Variants in PKHD1 observed in about 807,000 individuals in gnomAD.
The protein encoded by PKHD1 is PKHD1 ciliary IPT domain containing fibrocystin/polyductin, also known as fibrocystin.
In PKHD1, 291 loss-of-function variants were observed where a neutral mutation model predicts 412.0. The observed-to-expected ratio is 0.71, with a 90% CI of 0.64 to 0.78. PKHD1 has a LOEUF of 0.78. PKHD1 is among the 30% of genes least tolerant of loss of function. The probability of loss-of-function intolerance (pLI) is 0.00; values close to 1 mark genes in which losing one functional copy is unlikely to be tolerated. For missense variants in PKHD1, 4,825 were observed against 4,950.7 expected, an observed-to-expected ratio of 0.97 and a Z score of 0.76; for synonymous variants, 1,777 against 1,821.5, an observed-to-expected ratio of 0.98 and a Z score of 0.62.
At chr6:52,040,962 T>C (rs1245419082) in intron 27 of PKHD1, among the ~76,000 whole-genome samples, 1 of 152,252 alleles carries the variant, frequency 6.6e-6, no homozygotes, top group Non-Finnish European at 1.5e-5. Flanking sequence ...TCATTATGAT[T>C]ATTGTTGATG....
At chr6:52,003,835 T>C (rs2128103938) in intron 35 of PKHD1, among the ~76,000 whole-genome samples, 1 of 152,342 alleles carries the variant, frequency 6.6e-6, no homozygotes, top group East Asian at 1.9e-4. Flanking sequence ...TTTTAGATTA[T>C]TGCATTTCCA....
At chr6:51,641,420 T>G (rs747013582) in intron 63 of PKHD1, among the ~76,000 whole-genome samples, 4 of 152,140 alleles carry the variant, frequency 2.6e-5, no homozygotes, top group African/African-American at 4.8e-5. Context: ...TGTGGAGAAA[T>G]AGTAATCCTT....
At chr6:51,882,894 C>A (rs1777603523) in intron 46 of PKHD1, among the ~76,000 whole-genome samples, 199 bp downstream of exon 46, 1 of 152,182 alleles carries the variant, frequency 6.6e-6, no homozygotes, top group Non-Finnish European at 1.5e-5. Context: ...ACTCATAACA[C>A]TAAAGCACTG....
intron 52 of PKHD1, among the ~76,000 whole-genome samples, chr6:51,830,466 CA>C (rs1273133967): frequency 1.3e-5 from 2 of 152,136 alleles, no homozygotes; most frequent in Admixed American, 6.5e-5. Flanking sequence ...TCCTGTATTT[CA>C]AAATTCCCAA....
chr6:51,762,413 T>C (rs1464556875), intron 55 of PKHD1, among the ~76,000 whole-genome samples: 2 of 152,150 alleles, frequency 1.3e-5, no homozygotes, highest in African/African-American at 4.8e-5. Context: ...CTTGTCTTGA[T>C]TTATTTACAA....
In PKHD1 at chr6:51,748,386, C is replaced by G. The variant is rs1250269841; in HGVS notation, c.9230G>C (p.Trp3077Ser). Residue 3077 changes from tryptophan to serine, a missense_variant, in exon 58 of 67, where the codon TGG becomes TCG. Trp to Ser is a radical substitution (Grantham distance 177, BLOSUM62 -3). Transcript: ENST00000371117. ...LMTQPAWSTI[W>S]VAGIKVNQVK... ...CTGGTTCACTTTGATTCCCGCCACC[C>G]AAATGGTGGACCACGCTGGCTGTGT... 2 of 1,613,920 alleles carry G rather than the reference C, an allele frequency of 1.2e-6. No individual in the cohort carries two copies. The highest frequency in any genetic ancestry group is 1.7e-6 in the Non-Finnish European group (2 of 1,179,954).
chr6:51,707,721 CAAGATT>C (rs1438770117), intron 60 of PKHD1, among the ~76,000 whole-genome samples: 7 of 152,126 alleles, frequency 4.6e-5, no homozygotes, highest in Admixed American at 3.3e-4. Context: ...CTGCTTGTAT[CAAGATT>C]ATCAATAAAG....
At chr6:51,945,264 T>A (rs1789285045) in intron 36 of PKHD1, among the ~76,000 whole-genome samples, 1 of 152,200 alleles carries the variant, frequency 6.6e-6, no homozygotes, top group Admixed American at 6.5e-5. Flanking sequence ...AAATCTAAAC[T>A]GACCTTGATG....
Position 52,059,984 on chromosome 6 carries a change from GA to G in PKHD1, c.1176del (p.Gln393ArgfsTer20). The G allele has an allele frequency of 6.2e-7, 1 of 1,611,036 alleles. No homozygotes were observed. Among genetic ancestry groups the G allele is most frequent in the Non-Finnish European group, 8.5e-7 (1 of 1,177,224 alleles). ...APETNNYTFW[I>X]QADSQASLHF... ...TGCAAGGAAGCTTGGCTATCTGCCT[GA>G]ATCCAGAAAGTGTAATTATTTGTCT... On this transcript the variant is annotated frameshift_variant, in exon 15 of 67. Transcript: ENST00000371117. LOFTEE classifies it high-confidence loss of function.
At chr6:51,845,701 G>A (rs969006000) in intron 50 of PKHD1, among the ~76,000 whole-genome samples, 1 of 151,968 alleles carries the variant, frequency 6.6e-6, no homozygotes, top group Non-Finnish European at 1.5e-5. Flanking sequence ...CATTCACACA[G>A]CTACTTACAC....
chr6:51,915,013 A>T (rs1227122018), intron 37 of PKHD1, among the ~76,000 whole-genome samples: 1 of 152,070 alleles, frequency 6.6e-6, no homozygotes, highest in Non-Finnish European at 1.5e-5. Flanking sequence ...AGGCATTCCC[A>T]AGTATGTCTG....
At chr6:51,719,897 T>C (rs1562162428) in intron 60 of PKHD1, among the ~76,000 whole-genome samples, 1 of 152,158 alleles carries the variant, frequency 6.6e-6, no homozygotes, top group South Asian at 2.1e-4. Flanking sequence ...CATGTCTCCA[T>C]AAATCTTTTG....
chr6:51,867,168 T>C (rs1775208574), intron 48 of PKHD1, among the ~76,000 whole-genome samples: 1 of 152,088 alleles, frequency 6.6e-6, no homozygotes, highest in Non-Finnish European at 1.5e-5. Flanking sequence ...AGGAAGAAAA[T>C]AAGTGTGGCT....
rs186387196 is a variant in PKHD1 at position 51,648,572 on chromosome 6, A to T, written c.11311-454T>A. ...ACAGGAGAAAGCCAATTCAACAATC[A>T]TAGTTCACTGTGAATTTTGTAAATA... On this transcript the variant is annotated intron_variant, in intron 62 of 66. Transcript: ENST00000371117. 2.5e-3 allele frequency among the ~76,000 whole-genome samples: 377 copies of T among 152,330 alleles called. 4 individuals carry two copies. Among genetic ancestry groups the T allele is most frequent in the African/African-American group, 8.8e-3 (367 of 41,582 alleles).
At chr6:51,880,798 A>C (rs1777166771) in intron 46 of PKHD1, among the ~76,000 whole-genome samples, 1 of 58,742 alleles carries the variant, frequency 1.7e-5, no homozygotes, top group Non-Finnish European at 3.0e-5. Flanking sequence ...AAAAAAAAAA[A>C]AAAAAAAAAC....
At chr6:51,682,738 A>G (rs1004532033) in intron 60 of PKHD1, among the ~76,000 whole-genome samples, 5 of 152,118 alleles carry the variant, frequency 3.3e-5, no homozygotes, top group African/African-American at 1.2e-4. Context: ...TAGAAGGGAA[A>G]GCCTAGGGGA....
intron 52 of PKHD1, among the ~76,000 whole-genome samples, chr6:51,822,325 T>A (rs1766578823): frequency 6.6e-6 from 1 of 152,184 alleles, no homozygotes; most frequent in Non-Finnish European, 1.5e-5. Flanking sequence ...TATAGTTTAT[T>A]CTCAAGCAAT....
chr6:52,054,759 C>A (rs952449643), intron 19 of PKHD1, among the ~76,000 whole-genome samples: 1 of 152,188 alleles, frequency 6.6e-6, no homozygotes, highest in Admixed American at 6.5e-5. Flanking sequence ...TAGCACTTCC[C>A]CAGTTGCAAC....
chr6:51,863,827 G>T (rs556390188), intron 48 of PKHD1, among the ~76,000 whole-genome samples: 1 of 152,152 alleles, frequency 6.6e-6, no homozygotes, highest in African/African-American at 2.4e-5. Flanking sequence ...GACACTAAAG[G>T]AAGATCTGGG....
Sources: allele counts gnomAD v4.1 joint callset (sites outside exome capture counted in the v4.1 genomes callset), GRCh38; gene constraint gnomAD v4.1.1; transcripts MANE v1.5; gene names NCBI Gene and HGNC (gene_info 2026-07-23, HGNC 2026-07-21).